The following ITGA11 variants were observed in gnomAD, a reference collection of about 807,000 sequenced individuals.
The protein encoded by ITGA11 is integrin subunit alpha 11.
Under a neutral mutation model 141.9 loss-of-function variants are expected in ITGA11, and 97 were observed. The observed-to-expected ratio is 0.68, with a 90% CI of 0.58 to 0.81. The LOEUF (loss-of-function observed/expected upper bound fraction) is 0.81, where lower values mean the gene tolerates loss of function less well. Ranked by LOEUF, ITGA11 falls within the 30% of genes least tolerant of loss-of-function variation. ITGA11 has a pLI of 0.00. For synonymous variants in ITGA11, 658 were observed against 624.6 expected (o/e 1.05, Z -0.80); for missense variants, 1,387 against 1,559.2 (o/e 0.89, Z 1.86).
intron 4 of ITGA11, chr15:68,361,928 C>T (rs1264842308): frequency 2.1e-6 from 1 of 478,796 alleles, no homozygotes; most frequent in Non-Finnish European, 3.8e-6. Context: ...ATCTTGGAGT[C>T]TCTTTCATTG....
chr15:68,361,892 G>A (rs2306016), intron 4 of ITGA11, 188 bp from the exon 5 acceptor site: 13,001 of 525,306 alleles, frequency 0.025, 211 homozygotes, highest in South Asian at 0.03. Context: ...AGTTCCTTTG[G>A]TTTCAGGTCT....
chr15:68,337,506 G>T (rs1567134744), intron 11 of ITGA11, among the ~76,000 whole-genome samples: 1 of 152,128 alleles, frequency 6.6e-6, no homozygotes, highest in African/African-American at 2.4e-5. Flanking sequence ...GCTCTCACTG[G>T]ATGACTCCTA....
intron 1 of ITGA11, among the ~76,000 whole-genome samples, chr15:68,413,318 T>C (rs1443806283): frequency 1.3e-5 from 2 of 152,200 alleles, no homozygotes; most frequent in African/African-American, 4.8e-5. Flanking sequence ...TTCATACTTA[T>C]CTATGTTCAC....
Position 68,304,275 on chromosome 15 carries a change from T to C in ITGA11, c.3382-390A>G, listed in dbSNP as rs925201682. 2.0e-5 allele frequency among the ~76,000 whole-genome samples: 3 copies of C among 152,126 alleles called. No homozygotes were observed. Among genetic ancestry groups the C allele is most frequent in the Non-Finnish European group, 4.4e-5 (3 of 68,024 alleles). ...CCTTGCACCTCTTCTTTTTCTAGAG[T>C]CACTTCCTGGGTGAACTCAGGGCTG... On this transcript the variant is annotated intron_variant, in intron 28 of 29. Transcript: ENST00000315757. The surrounding 1 kb of genome is among the most constrained non-coding windows in gnomAD (Gnocchi z 6.1).
intron 6 of ITGA11, among the ~76,000 whole-genome samples, chr15:68,358,026 G>C (rs912012436): frequency 7.2e-5 from 11 of 152,178 alleles, no homozygotes; most frequent in African/African-American, 2.7e-4. Context: ...CAGAATAAAA[G>C]GGAATGAATC....
chr15:68,358,360 C>T lies in ITGA11; in HGVS notation c.600+98G>A, dbSNP rs16951868. ...ACCTCTGCCCTCTTACCTACACCTC[C>T]TTCGTGCATGCAAAGATCTCTCTTA... On this transcript the variant is annotated intron_variant, in intron 6 of 29. Coordinates refer to ENST00000315757, the MANE Select transcript of ITGA11 (RefSeq NM_001004439.2). The T allele has an allele frequency of 9.5e-4, 1,302 of 1,369,372 alleles. 25 individuals carry two copies. In the Admixed American group the frequency reaches 0.026, roughly 28 times the overall value. 84.8% of individuals were successfully genotyped at this position (1,369,372 alleles called of 1,614,324 possible). A position where few individuals can be genotyped will look rare whatever the true frequency, so the allele number is the denominator to read the frequency against.
At chr15:68,309,104 G>A (rs1483525332) in intron 26 of ITGA11, among the ~76,000 whole-genome samples, 1 of 152,200 alleles carries the variant, frequency 6.6e-6, no homozygotes, top group African/African-American at 2.4e-5. Context: ...AATTATAACG[G>A]ATAAAAGATG....
chr15:68,318,237 G>A (rs1893663442), intron 20 of ITGA11, among the ~76,000 whole-genome samples: 1 of 152,166 alleles, frequency 6.6e-6, no homozygotes. Context: ...GCACTTCACA[G>A]AACATGTCTC....
In ITGA11 at chr15:68,311,338, G is replaced by T; in HGVS notation, c.3039C>A (p.Thr1013=). The change falls in exon 25 of 30, where the codon ACC becomes ACA. Residue 1013 remains threonine (T), a synonymous_variant. Coordinates refer to ENST00000315757, the MANE Select transcript of ITGA11 (RefSeq NM_001004439.2). The part of the protein sequence containing the change: ...MMMKITIPIA[T]RSGNRLLKLR... ...GCTTCAGTAGGCGGTTGCCGCTCCTGGTGGCGATGGGAATGGTGATCTTCA... is the reference window on the plus strand; with the variant it reads ...GCTTCAGTAGGCGGTTGCCGCTCCTTGTGGCGATGGGAATGGTGATCTTCA... The T allele has an allele frequency of 6.3e-7, 1 of 1,579,068 alleles. No homozygotes were observed.
At chr15:68,357,107 A>G (rs748497701) in intron 7 of ITGA11, 44 bp downstream of exon 7, 2 of 1,583,238 alleles carry the variant, frequency 1.3e-6, no homozygotes, top group Middle Eastern at 1.7e-4. Flanking sequence ...CTACAATAGC[A>G]TCTGAGATCT....
chr15:68,424,508 G>A (rs1245529315), intron 1 of ITGA11, among the ~76,000 whole-genome samples: 1 of 152,134 alleles, frequency 6.6e-6, no homozygotes, highest in African/African-American at 2.4e-5. Flanking sequence ...GGAGAGTGAT[G>A]ATGTGTTCTG....
chr15:68,337,056 A>C (rs182216143), intron 11 of ITGA11, among the ~76,000 whole-genome samples: 175 of 152,332 alleles, frequency 1.1e-3, no homozygotes, highest in African/African-American at 4.0e-3. Flanking sequence ...GGGTGGGCTT[A>C]GCCTTGTGGT....
chr15:68,392,104 C>T (rs1896134973), intron 2 of ITGA11, among the ~76,000 whole-genome samples: 1 of 152,146 alleles, frequency 6.6e-6, no homozygotes, highest in Non-Finnish European at 1.5e-5. Context: ...CAGGCAATTA[C>T]TATTCAATTT....
rs1894235493 is a variant in ITGA11, at chr15:68,333,249, A to G, written c.1426-771T>C. Among the ~76,000 whole-genome samples, 1 of 151,974 alleles carries G rather than the reference A, an allele frequency of 6.6e-6. No individual in the cohort carries two copies. The highest frequency in any genetic ancestry group is 1.5e-5 in the Non-Finnish European group (1 of 67,986). ...TGAGTAGCTGGGACCACAGGCACTT[A>G]CCACCGCTCCTGGCTGTTTTAAAAA... On this transcript the variant is annotated intron_variant, in intron 12 of 29. Transcript: ENST00000315757. This position sits in a 1 kb window ranked among gnomAD's most constrained non-coding sequence, Gnocchi z 4.2.
chr15:68,388,854 G>A (rs990643787), intron 2 of ITGA11, among the ~76,000 whole-genome samples: 2 of 152,088 alleles, frequency 1.3e-5, no homozygotes, highest in Non-Finnish European at 2.9e-5. Context: ...AACCTCCAGT[G>A]GCTCCCTATT....
At chr15:68,351,475 G>T (rs1031006952) in intron 7 of ITGA11, 73 bp from the exon 8 acceptor site, 2 of 1,532,032 alleles carry the variant, frequency 1.3e-6, no homozygotes, top group Non-Finnish European at 1.8e-6. Flanking sequence ...CTCCTGCAGA[G>T]GGGCAGCCAC....
intron 5 of ITGA11, among the ~76,000 whole-genome samples, chr15:68,359,647 AAAAC>A (rs1230837997): frequency 6.6e-6 from 1 of 151,510 alleles, no homozygotes; most frequent in African/African-American, 2.5e-5. Context: ...CTCTGCCTCA[AAAAC>A]AAACAAAACA....
rs566882514 is a variant in ITGA11, at chr15:68,344,587, G to T, written c.1131+4243C>A. 2.1e-4 allele frequency among the ~76,000 whole-genome samples: 32 copies of T among 152,076 alleles called. 1 individual carries two copies. The South Asian group carries it at 4.4e-3, about 21-fold the overall frequency. The stretch of plus-strand genomic sequence containing the variant: ...ATACCTCCAGAGGGGGACTAGACTC[G>T]AAGACTCGGTAATCCCATGGGCCTT... On this transcript the variant is annotated intron_variant, in intron 10 of 29. Transcript: ENST00000315757.
chr15:68,401,452 A>G (rs1375334116), intron 2 of ITGA11, among the ~76,000 whole-genome samples: 1 of 152,236 alleles, frequency 6.6e-6, no homozygotes, highest in Non-Finnish European at 1.5e-5. Context: ...AATGGAAACA[A>G]TCCAAATACA....
Sources: gnomAD v4.1 joint callset for allele counts (sites outside exome capture counted in the v4.1 genomes callset) on GRCh38, gnomAD v4.1.1 for gene constraint, Gnocchi (gnomAD v3.1) non-coding constraint, MANE v1.5 for transcripts, NCBI Gene and HGNC (gene_info 2026-07-23, HGNC 2026-07-21) for gene names.